The following MAST2 variants were observed in gnomAD, a reference collection of about 807,000 sequenced individuals.
MAST2 encodes the protein microtubule associated serine/threonine kinase 2.
In MAST2, 70 loss-of-function variants were observed where a neutral mutation model predicts 147.4. That is an observed-to-expected ratio of 0.47 (90% CI 0.39 to 0.58). MAST2 has a LOEUF of 0.58. Among genes scored for constraint, MAST2 ranks in the 20% least tolerant of loss-of-function variants. The pLI is 0.00. For synonymous variants in MAST2, 869 were observed against 896.8 expected (o/e 0.97, Z 0.55); for missense variants, 2,080 against 2,302.3 (o/e 0.90, Z 1.98).
intron 5 of MAST2, among the ~76,000 whole-genome samples, chr1:45,960,262 A>G (rs1045122333): frequency 1.3e-5 from 2 of 152,192 alleles, no homozygotes; most frequent in Non-Finnish European, 2.9e-5. Context: ...TAATCCCAGC[A>G]CTTTGGGAAG....
At chr1:45,849,295 A>G (rs1366668707) in intron 3 of MAST2, among the ~76,000 whole-genome samples, 1 of 152,184 alleles carries the variant, frequency 6.6e-6, no homozygotes, top group African/African-American at 2.4e-5. Context: ...AGCAAAGAGA[A>G]CAAAACTGGG....
At chr1:45,858,431 A>T (rs1367686043) in intron 3 of MAST2, among the ~76,000 whole-genome samples, 1 of 151,882 alleles carries the variant, frequency 6.6e-6, no homozygotes, top group Non-Finnish European at 1.5e-5. Flanking sequence ...GTGTCTGTTC[A>T]TATCCTTTGC....
intron 1 of MAST2, among the ~76,000 whole-genome samples, chr1:45,805,620 C>T (rs1284096725): frequency 2.6e-5 from 4 of 152,174 alleles, no homozygotes; most frequent in Non-Finnish European, 5.9e-5. Context: ...CTGCGTATTT[C>T]ATGGTAGAGT....
chr1:45,881,836 A>C (rs1646857907), intron 3 of MAST2, among the ~76,000 whole-genome samples: 3 of 151,736 alleles, frequency 2.0e-5, no homozygotes, highest in Non-Finnish European at 4.4e-5. Flanking sequence ...TTTAGGAAGG[A>C]AGGATAAAGA....
chr1:45,952,236 A>G (rs1054879991), intron 4 of MAST2, among the ~76,000 whole-genome samples: 1 of 152,244 alleles, frequency 6.6e-6, no homozygotes, highest in African/African-American at 2.4e-5. Context: ...GCATGCCACA[A>G]CATGCATGAA....
At chr1:45,959,782 C>T (rs374497881) in intron 5 of MAST2, among the ~76,000 whole-genome samples, 1 of 152,108 alleles carries the variant, frequency 6.6e-6, no homozygotes, top group South Asian at 2.1e-4. Flanking sequence ...CAGCTCCATT[C>T]GTCTTGGGTC....
intron 6 of MAST2, among the ~76,000 whole-genome samples, chr1:45,999,213 C>T (rs1645176977): frequency 6.6e-6 from 1 of 152,212 alleles, no homozygotes; most frequent in South Asian, 2.1e-4. Context: ...TTTCCTCCTT[C>T]AACCCACTTA....
chr1:45,998,258 A>G (rs143482116), intron 6 of MAST2, among the ~76,000 whole-genome samples: 1 of 152,168 alleles, frequency 6.6e-6, no homozygotes, highest in African/African-American at 2.4e-5. Flanking sequence ...TCTCTCCTTG[A>G]CTTTGAGCTG....
intron 4 of MAST2, among the ~76,000 whole-genome samples, chr1:45,919,774 A>G (rs1653145024): frequency 6.7e-6 from 1 of 150,272 alleles, no homozygotes; most frequent in Admixed American, 6.6e-5. Flanking sequence ...ACAGCTTTGG[A>G]GCTTGTTAAA....
intron 4 of MAST2, among the ~76,000 whole-genome samples, chr1:45,906,536 TA>T (rs145905219): frequency 0.036 from 5,318 of 148,198 alleles, 134 homozygotes; most frequent in Non-Finnish European, 0.052. Flanking sequence ...AATTTATTGT[TA>T]AAAAAATAAT....
At chr1:45,853,119 A>G (rs1309979360) in intron 3 of MAST2, among the ~76,000 whole-genome samples, 2 of 151,664 alleles carry the variant, frequency 1.3e-5, no homozygotes, top group South Asian at 4.2e-4. Flanking sequence ...TAGTAGAGAC[A>G]GGGTTTCACC....
chr1:45,838,684 C>T (rs904242567), intron 3 of MAST2, among the ~76,000 whole-genome samples: 1 of 152,128 alleles, frequency 6.6e-6, no homozygotes, highest in Non-Finnish European at 1.5e-5. Context: ...TTCTCCCTGT[C>T]TGTGACTTAC....
At chr1:45,846,461 A>G (rs1274324651) in intron 3 of MAST2, among the ~76,000 whole-genome samples, 1 of 152,328 alleles carries the variant, frequency 6.6e-6, no homozygotes, top group East Asian at 1.9e-4. Flanking sequence ...AGATTAAACA[A>G]CTTTTGCAGA....
chr1:45,827,347 C>A (rs1644824694), intron 2 of MAST2, among the ~76,000 whole-genome samples: 1 of 151,916 alleles, frequency 6.6e-6, no homozygotes, highest in African/African-American at 2.4e-5. Context: ...TTGTTCCTTC[C>A]GTTTTATTTA....
Position 45,889,946 on chromosome 1 carries a change from T to C in MAST2, c.500+7551T>C, listed in dbSNP as rs962627262. On this transcript the variant is annotated intron_variant, in intron 4 of 28. Transcript: ENST00000361297. Reference sequence around the variant, plus strand: ...TTTTTATATTTTTAGGGTTTCACCATGTTGGCCATGATGGTCTCAATCTTT... The same window carrying C: ...TTTTTATATTTTTAGGGTTTCACCACGTTGGCCATGATGGTCTCAATCTTT... Among the ~76,000 whole-genome samples the C allele has an allele frequency of 5.9e-5, 9 of 152,252 alleles. No individual in the cohort carries two copies. The East Asian group carries it at 7.7e-4, about 13-fold the overall frequency.
intron 8 of MAST2, among the ~76,000 whole-genome samples, chr1:46,008,012 G>T (rs1409251981): frequency 6.6e-6 from 1 of 152,006 alleles, no homozygotes; most frequent in African/African-American, 2.4e-5. Context: ...GTTTATCCTG[G>T]GAAAGCCACC....
At chr1:45,877,090 A>C (rs939473914) in intron 3 of MAST2, among the ~76,000 whole-genome samples, 1 of 152,190 alleles carries the variant, frequency 6.6e-6, no homozygotes, top group African/African-American at 2.4e-5. Flanking sequence ...CACAGATTGG[A>C]TCATTTATAA....
intron 4 of MAST2, among the ~76,000 whole-genome samples, chr1:45,940,021 T>C (rs1656998284): frequency 7.1e-6 from 1 of 141,768 alleles, no homozygotes; most frequent in Non-Finnish European, 1.5e-5. Context: ...TTTCGCTCTT[T>C]TGCCCAGGCT....
At chr1:45,852,158 G>GT (rs1488277111) in intron 3 of MAST2, among the ~76,000 whole-genome samples, 2 of 151,960 alleles carry the variant, frequency 1.3e-5, no homozygotes, top group African/African-American at 4.8e-5. Flanking sequence ...ATATACACTT[G>GT]TATATGTTTG....
Sources: gnomAD v4.1 joint callset for allele counts (sites outside exome capture counted in the v4.1 genomes callset) on GRCh38, gnomAD v4.1.1 for gene constraint, MANE v1.5 for transcripts, NCBI Gene and HGNC (gene_info 2026-07-23, HGNC 2026-07-21) for gene names.